MS4A8: variants seen among roughly 807,000 people sequenced by gnomAD.
The protein encoded by MS4A8 is membrane-spanning 4-domains subfamily A member 8.
Under a neutral mutation model 23.7 loss-of-function variants are expected in MS4A8, and 27 were observed. That is an observed-to-expected ratio of 1.14 (90% confidence interval 0.84 to 1.57). The LOEUF is 1.57. Among genes scored for constraint, MS4A8 ranks in the 40% most tolerant of loss-of-function variants. MS4A8 has a pLI of 0.00. For synonymous variants in MS4A8, 138 were observed against 126.3 expected (o/e 1.09, Z -0.62); for missense variants, 301 against 311.4 (o/e 0.97, Z 0.25).
chr11:60,701,141 G>A, intron 2 of MS4A8, 62 bp downstream of exon 2: 3 of 1,476,986 alleles, frequency 2.0e-6, no homozygotes, highest in Non-Finnish European at 2.8e-6. Flanking sequence ...CAGGGGGAAG[G>A]GAAGGCCTGG....
chr11:60,710,819 G>A (rs887153747), intron 5 of MS4A8, among the ~76,000 whole-genome samples: 2 of 152,126 alleles, frequency 1.3e-5, no homozygotes, highest in African/African-American at 2.4e-5. Flanking sequence ...TGAACCACGG[G>A]AACCTCCATG....
At chr11:60,712,614 C>A (rs536599029) in intron 5 of MS4A8, 21 of 436,738 alleles carry the variant, frequency 4.8e-5, no homozygotes, top group African/African-American at 3.5e-4. Flanking sequence ...GGCAACATGG[C>A]GAAATCCCAT....
chr11:60,707,755 T>C (rs906414855), intron 4 of MS4A8, among the ~76,000 whole-genome samples: 11 of 151,924 alleles, frequency 7.2e-5, no homozygotes, highest in African/African-American at 2.7e-4. Context: ...CTATTTATCC[T>C]ATGGGACAAA....
intron 3 of MS4A8, 109 bp downstream of exon 3, chr11:60,703,609 C>A: frequency 7.6e-7 from 1 of 1,319,504 alleles, no homozygotes; most frequent in Non-Finnish European, 1.0e-6. Flanking sequence ...CCCAGCCACC[C>A]AAATGTGGGG....
chr11:60,700,996 G>A lies in MS4A8; in HGVS notation c.136G>A (p.Val46Ile), dbSNP rs769987023. Residue 46 changes from valine (V) to isoleucine (I), a missense_variant, in exon 2 of 7, where the codon GTT becomes ATT. By Grantham distance (29) the Val-to-Ile change is conservative. Coordinates refer to ENST00000300226, the MANE Select transcript of MS4A8 (RefSeq NM_031457.2). The part of the protein sequence containing the change: ...YPNSQPQVHL[V>I]PGNPPSLVSN... Reference sequence around the variant, plus strand: ...AAACAGCCAGCCGCAAGTCCACCTAGTTCCTGGGAACCCACCTAGTTTGGT... The same window carrying A: ...AAACAGCCAGCCGCAAGTCCACCTAATTCCTGGGAACCCACCTAGTTTGGT... The A allele has an allele frequency of 6.2e-7, 1 of 1,614,220 alleles. No homozygotes were observed.
chr11:60,709,853 T>C (rs1425740762), intron 5 of MS4A8, among the ~76,000 whole-genome samples: 1 of 152,236 alleles, frequency 6.6e-6, no homozygotes, highest in African/African-American at 2.4e-5. Flanking sequence ...TCCTCTTCGT[T>C]GTACTTCCTT....
intron 5 of MS4A8, chr11:60,712,448 A>G (rs529478695): frequency 1.0e-6 from 1 of 985,346 alleles, no homozygotes; most frequent in Admixed American, 6.1e-5. Context: ...TCCAGAAGAG[A>G]GAATTCTCCA....
At chr11:60,713,909 CTTTT>C (rs1170997070) in intron 5 of MS4A8, among the ~76,000 whole-genome samples, 4 of 101,914 alleles carry the variant, frequency 3.9e-5, no homozygotes, top group South Asian at 3.1e-4. Context: ...GGTGATGACT[CTTTT>C]TTTTTTTTTT....
chr11:60,703,330 A>G (rs762907275), intron 2 of MS4A8, 48 bp from the exon 3 acceptor site: 2 of 1,484,214 alleles, frequency 1.3e-6, no homozygotes, highest in Non-Finnish European at 1.8e-6. Flanking sequence ...TAGGGGAGGC[A>G]GGACCCAGCC....
intron 5 of MS4A8, chr11:60,712,515 C>A: frequency 3.0e-6 from 3 of 984,996 alleles, no homozygotes; most frequent in Non-Finnish European, 3.6e-6. Flanking sequence ...TAATTGAGGC[C>A]GGTCACGGTG....
chr11:60,701,701 A>G (rs1180798059), intron 2 of MS4A8, among the ~76,000 whole-genome samples: 1 of 152,246 alleles, frequency 6.6e-6, no homozygotes, highest in Non-Finnish European at 1.5e-5. Flanking sequence ...AAAATATCCA[A>G]TAATTCCATT....
intron 2 of MS4A8, 185 bp downstream of exon 2, chr11:60,701,264 C>A: frequency 1.4e-6 from 1 of 705,464 alleles, no homozygotes; most frequent in Non-Finnish European, 2.6e-6. Flanking sequence ...TCTGCTCAGA[C>A]CTTGTATTTT....
At chr11:60,707,756 A>G (rs1220324368) in intron 4 of MS4A8, among the ~76,000 whole-genome samples, 2 of 147,584 alleles carry the variant, frequency 1.4e-5, no homozygotes, top group Non-Finnish European at 3.0e-5. Context: ...TATTTATCCT[A>G]TGGGACAAAT....
Position 60,715,081 on chromosome 11 carries a change from G to A in MS4A8, c.595G>A (p.Ala199Thr), listed in dbSNP as rs149745158. The A allele has an allele frequency of 1.9e-5, 31 of 1,613,952 alleles. No homozygotes were observed. The highest frequency in any genetic ancestry group is 1.6e-4 in the Middle Eastern group (1 of 6,084). Residue 199 changes from alanine (A) to threonine (T), a missense_variant, in exon 6 of 7, where the codon GCA becomes ACA. By Grantham distance (58) the Ala-to-Thr change is moderately conservative. Coordinates refer to ENST00000300226, the MANE Select transcript of MS4A8 (RefSeq NM_031457.2). ...CTTCTGCCTCCTGGAGTTTGGCATC[G>A]CATGCGCATCTTCCCACTTTGGCTG... ...LVFCLLEFGI[A>T]CASSHFGCQL...
At chr11:60,701,983 T>C (rs561178068) in intron 2 of MS4A8, among the ~76,000 whole-genome samples, 2 of 152,216 alleles carry the variant, frequency 1.3e-5, no homozygotes, top group Admixed American at 1.3e-4. Context: ...TGGAAGAAAG[T>C]AAGGGGCAGA....
rs2088304282 is a variant in MS4A8 at position 60,711,963 on chromosome 11, A to T, written c.535-3058A>T. 15 of 352,106 alleles carry T rather than the reference A, an allele frequency of 4.3e-5. 1 individual carries two copies. The highest frequency in any genetic ancestry group is 3.1e-4 in the South Asian group (15 of 47,806). The allele number at this position is 352,106 out of a possible 1,614,324, so 21.8% of individuals were successfully genotyped here. ...AGCTTTGCAAATAATGACCCAAGGA[A>T]TGGAGATACTCCGGGGTTTCCACAT... On this transcript the variant is annotated intron_variant, in intron 5 of 6. Coordinates refer to ENST00000300226, the MANE Select transcript of MS4A8 (RefSeq NM_031457.2).
At chr11:60,708,612 C>G in intron 4 of MS4A8, 38 bp from the exon 5 acceptor site, 1 of 1,479,972 alleles carries the variant, frequency 6.8e-7, no homozygotes. Context: ...GCTATAACAG[C>G]TTTTCTCGCC....
At chr11:60,709,523 C>CT (rs2088284158) in intron 5 of MS4A8, among the ~76,000 whole-genome samples, 1 of 152,130 alleles carries the variant, frequency 6.6e-6, no homozygotes, top group East Asian at 1.9e-4. Context: ...ATTTGGGGAA[C>CT]TAAATCTTTG....
Position 60,708,709 on chromosome 11 carries a change from A to G in MS4A8, c.462A>G (p.Ile154Met), listed in dbSNP as rs757779271. 3.1e-6 allele frequency: 5 copies of G among 1,607,032 alleles called. No individual in the cohort carries two copies. The highest frequency in any genetic ancestry group is 4.2e-6 in the Non-Finnish European group (5 of 1,177,532). The change falls in exon 5 of 7, where the codon ATA becomes ATG. Residue 154 changes from isoleucine to methionine, a missense_variant. Coordinates refer to ENST00000300226, the MANE Select transcript of MS4A8 (RefSeq NM_031457.2). Reference sequence around the variant, plus strand: ...CAATCTGCTCTGCAGTTGGAGTCATACTCTTCATCACAGATCTAAGTATTC... The same window carrying G: ...CAATCTGCTCTGCAGTTGGAGTCATGCTCTTCATCACAGATCTAAGTATTC... The part of the protein sequence containing the change: ...VSAICSAVGV[I>M]LFITDLSIPH...
Sources: allele counts gnomAD v4.1 joint callset (sites outside exome capture counted in the v4.1 genomes callset), GRCh38; gene constraint gnomAD v4.1.1; transcripts MANE v1.5; gene names NCBI Gene and HGNC (gene_info 2026-07-23, HGNC 2026-07-21).